Variants in MCF2L2 observed in about 807,000 individuals in gnomAD.
MCF2L2 encodes the protein MCF.2 cell line derived transforming sequence-like 2.
MCF2L2 carries 102 observed loss-of-function variants against 150.2 expected under a neutral mutation model. The ratio of observed to expected loss-of-function variants is 0.68; its 90% confidence interval spans 0.58 to 0.80. The LOEUF is 0.80. MCF2L2 is among the 30% of genes least tolerant of loss of function. MCF2L2 has a pLI of 0.00. For synonymous variants in MCF2L2, 465 were observed against 491.3 expected (o/e 0.95, Z 0.71); for missense variants, 1,256 against 1,372.8 (o/e 0.91, Z 1.34).
At chr3:183,340,725 T>C (rs1427941346) in intron 4 of MCF2L2, among the ~76,000 whole-genome samples, 1 of 152,046 alleles carries the variant, frequency 6.6e-6, no homozygotes, top group Non-Finnish European at 1.5e-5. Flanking sequence ...GGCAGATCAC[T>C]TGAGGTCAGG....
chr3:183,206,309 GCT>G (rs1196732602), intron 23 of MCF2L2, 95 bp from the exon 24 acceptor site: 1 of 923,124 alleles, frequency 1.1e-6, no homozygotes, highest in Non-Finnish European at 1.8e-6. Flanking sequence ...ATCCTTGACA[GCT>G]CTCTTCTTTC....
chr3:183,282,201 C>T (rs1405214941), intron 14 of MCF2L2, among the ~76,000 whole-genome samples: 2 of 146,294 alleles, frequency 1.4e-5, no homozygotes, highest in African/African-American at 5.4e-5. Flanking sequence ...TTATTTGAGA[C>T]AGAGTCTTGT....
rs1475423643 is a variant in MCF2L2 at position 183,227,555 on chromosome 3, C to G, written c.2115+742G>C. On this transcript the variant is annotated intron_variant, in intron 18 of 29. Transcript: ENST00000328913. The surrounding 1 kb of genome is among the most constrained non-coding windows in gnomAD (Gnocchi z 4.0). ...GCTTCTCCTCTTGAGAGCATTAGTA[C>G]AGCTTTATTGTGGGACTCTAACCTC... 6.6e-6 allele frequency: 1 copy of G among 152,176 alleles called. No individual in the cohort carries two copies. Among genetic ancestry groups the G allele is most frequent in the Non-Finnish European group, 1.5e-5 (1 of 68,034 alleles). 9.4% of individuals were successfully genotyped at this position (152,176 alleles called of 1,614,324 possible). A position where few individuals can be genotyped will look rare whatever the true frequency, so the allele number is the denominator to read the frequency against.
In MCF2L2 at chr3:183,194,193, G is replaced by A. The variant is rs555537400; in HGVS notation, c.2918+1029C>T. ...ATCTTTCTGGGTTAGGGTCTAGCGG[G>A]GGTTCCATGAGGATCAGGCTAAATG... On this transcript the variant is annotated intron_variant, in intron 26 of 29. Transcript: ENST00000328913. 4.6e-5 allele frequency among the ~76,000 whole-genome samples: 7 copies of A among 152,222 alleles called. 1 individual carries two copies. Among genetic ancestry groups the A allele is most frequent in the African/African-American group, 1.7e-4 (7 of 41,514 alleles).
At chr3:183,221,503 A>G (rs987409853) in intron 20 of MCF2L2, among the ~76,000 whole-genome samples, 1 of 152,142 alleles carries the variant, frequency 6.6e-6, no homozygotes, top group African/African-American at 2.4e-5. Flanking sequence ...TGTGTTTCCA[A>G]TGACGATGCC....
Position 183,310,409 on chromosome 3 carries a change from G to A in MCF2L2, c.993+506C>T, listed in dbSNP as rs187632029. ...CCCAGCTACTCAGGAGGCTGAGGCA[G>A]GAGAATCGCTTGAACCTGGGAGGCG... On this transcript the variant is annotated intron_variant, in intron 9 of 29. Coordinates refer to ENST00000328913, the MANE Select transcript of MCF2L2 (RefSeq NM_015078.4). The A allele has an allele frequency of 2.0e-3, 359 of 183,306 alleles. 1 individual carries two copies. Among genetic ancestry groups the A allele is most frequent in the African/African-American group, 8.2e-3 (342 of 41,722 alleles). 11.4% of individuals were successfully genotyped at this position (183,306 alleles called of 1,614,324 possible).
At chr3:183,388,218 T>C (rs1200572327) in intron 2 of MCF2L2, among the ~76,000 whole-genome samples, 1 of 152,172 alleles carries the variant, frequency 6.6e-6, no homozygotes, top group Non-Finnish European at 1.5e-5. Flanking sequence ...ATTGTGTAAT[T>C]ATATAAGCCA....
At position 183,260,920 on chromosome 3, in the gene MCF2L2, G is replaced by T. The variant is rs567466338; in HGVS notation, c.1862+15952C>A. ...GAATTCCAAATGGCTTCTAATTGTT[G>T]CCCATGGCTTGAAATAAAGTTCCAT... On this transcript the variant is annotated intron_variant, in intron 15 of 29. Transcript: ENST00000328913. 3.3e-5 allele frequency among the ~76,000 whole-genome samples: 5 copies of T among 152,250 alleles called. No homozygotes were observed. In the East Asian group the frequency reaches 9.6e-4, roughly 29 times the overall value.
At chr3:183,257,230 G>A (rs991702554) in intron 15 of MCF2L2, among the ~76,000 whole-genome samples, 3 of 152,100 alleles carry the variant, frequency 2.0e-5, no homozygotes, top group African/African-American at 4.8e-5. Flanking sequence ...GAGACAAGTC[G>A]AGCTCATGTG....
chr3:183,267,888 C>T lies in MCF2L2; in HGVS notation c.1862+8984G>A, dbSNP rs1458995288. Among the ~76,000 whole-genome samples, 1 of 152,178 alleles carries T rather than the reference C, an allele frequency of 6.6e-6. No individual in the cohort carries two copies. Among genetic ancestry groups the T allele is most frequent in the Non-Finnish European group, 1.5e-5 (1 of 68,028 alleles). Reference sequence around the variant, plus strand: ...CACTTTGAGTAAACAGTGGCTCCACCCCCGGCATGGTTCTTTGCACCAACA... The same window carrying T: ...CACTTTGAGTAAACAGTGGCTCCACTCCCGGCATGGTTCTTTGCACCAACA... On this transcript the variant is annotated intron_variant, in intron 15 of 29. Transcript: ENST00000328913. The surrounding 1 kb of genome is among the most constrained non-coding windows in gnomAD (Gnocchi z 5.5).
intron 3 of MCF2L2, chr3:183,371,995 T>C (rs1712913795): frequency 6.6e-6 from 1 of 150,478 alleles, no homozygotes; most frequent in African/African-American, 2.5e-5. Context: ...ATATAGTATT[T>C]TTTATCTTTA....
At chr3:183,398,137 G>C (rs763813959) in intron 1 of MCF2L2, among the ~76,000 whole-genome samples, 23 of 152,154 alleles carry the variant, frequency 1.5e-4, no homozygotes, top group Non-Finnish European at 2.9e-4. Flanking sequence ...CCATACAGTA[G>C]CTTTACCACT....
At chr3:183,426,952 T>C (rs1257610268) in intron 1 of MCF2L2, among the ~76,000 whole-genome samples, 2 of 152,200 alleles carry the variant, frequency 1.3e-5, no homozygotes, top group South Asian at 2.1e-4. Context: ...TGAGGCAACA[T>C]TTAACATGCA....
chr3:183,186,235 T>C (rs1721687748), intron 27 of MCF2L2, among the ~76,000 whole-genome samples: 1 of 152,150 alleles, frequency 6.6e-6, no homozygotes, highest in Non-Finnish European at 1.5e-5. Context: ...CCAATTTTAG[T>C]ATGGCTCCAT....
At chr3:183,360,406 C>T (rs528175289) in intron 3 of MCF2L2, among the ~76,000 whole-genome samples, 1 of 151,942 alleles carries the variant, frequency 6.6e-6, no homozygotes, top group East Asian at 1.9e-4. Context: ...TGTCCCCACA[C>T]AAAAAATTAA....
At chr3:183,378,014 G>A (rs780586838) in intron 3 of MCF2L2, 2 of 152,028 alleles carry the variant, frequency 1.3e-5, no homozygotes, top group Non-Finnish European at 2.9e-5. Flanking sequence ...AAATAAGATG[G>A]GCAAAAGAAA....
intron 14 of MCF2L2, among the ~76,000 whole-genome samples, chr3:183,282,260 G>A (rs1727535705): frequency 6.6e-6 from 1 of 151,830 alleles, no homozygotes; most frequent in African/African-American, 2.4e-5. Flanking sequence ...CTCACTGCAA[G>A]CTCTGCCTCC....
chr3:183,377,832 G>A (rs1713277739), intron 3 of MCF2L2: 1 of 152,194 alleles, frequency 6.6e-6, no homozygotes. Flanking sequence ...CCGTGAGACA[G>A]GTGTGGTGTC....
chr3:183,395,242 A>T (rs1208359278), intron 1 of MCF2L2, among the ~76,000 whole-genome samples: 2 of 152,246 alleles, frequency 1.3e-5, no homozygotes, highest in Non-Finnish European at 2.9e-5. Context: ...AATGGAACCA[A>T]TCATTATACA....
Sources: allele counts gnomAD v4.1 joint callset (sites outside exome capture counted in the v4.1 genomes callset), GRCh38; gene constraint gnomAD v4.1.1; non-coding constraint Gnocchi (gnomAD v3.1); transcripts MANE v1.5; gene names NCBI Gene and HGNC (gene_info 2026-07-23, HGNC 2026-07-21).